Variants in LDLRAD4 observed in about 807,000 individuals in gnomAD.
The protein encoded by LDLRAD4 is low density lipoprotein receptor class A domain containing 4.
LDLRAD4 carries 5 observed loss-of-function variants against 17.0 expected under a neutral mutation model. The ratio of observed to expected loss-of-function variants is 0.29; its 90% confidence interval spans 0.15 to 0.62. The LOEUF is 0.62. Among genes scored for constraint, LDLRAD4 ranks in the 20% least tolerant of loss-of-function variants. LDLRAD4 has a pLI of 0.84. For missense variants in LDLRAD4, 340 were observed against 424.7 expected (o/e 0.80, Z 1.75); for synonymous variants, 168 against 171.8 (o/e 0.98, Z 0.17).
At chr18:13,269,552 G>A (rs978906924) in intron 1 of LDLRAD4, among the ~76,000 whole-genome samples, 23 of 152,146 alleles carry the variant, frequency 1.5e-4, no homozygotes, top group Admixed American at 1.4e-3. Context: ...AATGAACCGG[G>A]GTAGATGATC....
At chr18:13,270,907 T>A (rs1239483170) in intron 1 of LDLRAD4, among the ~76,000 whole-genome samples, 1 of 152,172 alleles carries the variant, frequency 6.6e-6, no homozygotes, top group Non-Finnish European at 1.5e-5. Context: ...CAACCCAGAG[T>A]GTGTTTGTGT....
chr18:13,450,663 C>T (rs1229656386), intron 3 of LDLRAD4, among the ~76,000 whole-genome samples: 2 of 152,148 alleles, frequency 1.3e-5, no homozygotes, highest in African/African-American at 4.8e-5. Flanking sequence ...TTTGTTCTGT[C>T]CAGTGCTAAG....
intron 4 of LDLRAD4, among the ~76,000 whole-genome samples, chr18:13,626,268 T>C (rs2041161306): frequency 3.3e-5 from 5 of 152,186 alleles, no homozygotes; most frequent in Admixed American, 3.3e-4. Context: ...CTTTTCATTA[T>C]CTTAGACCAT....
At chr18:13,265,750 C>T (rs1161474663) in intron 1 of LDLRAD4, among the ~76,000 whole-genome samples, 1 of 152,096 alleles carries the variant, frequency 6.6e-6, no homozygotes, top group Non-Finnish European at 1.5e-5. Flanking sequence ...TCCTGCTTGC[C>T]TGGTGCTGAG....
At chr18:13,222,583 G>A (rs894444031) in intron 1 of LDLRAD4, among the ~76,000 whole-genome samples, 13 of 152,178 alleles carry the variant, frequency 8.5e-5, no homozygotes, top group Admixed American at 8.5e-4. Flanking sequence ...CCGGCTGGGC[G>A]CCGCTCATGG....
Position 13,621,720 on chromosome 18 carries a change from A to T in LDLRAD4, c.336+449A>T, listed in dbSNP as rs1002987490. ...CATCGTCACTAAACGTGCCGGCAGCACATGGGTGCCATGAGCTGGAGGACG... is the reference window on the plus strand; with the variant it reads ...CATCGTCACTAAACGTGCCGGCAGCTCATGGGTGCCATGAGCTGGAGGACG... On this transcript the variant is annotated intron_variant, in intron 4 of 5. Coordinates refer to ENST00000359446, the Ensembl canonical transcript of LDLRAD4. The surrounding 1 kb of genome is among the most constrained non-coding windows in gnomAD (Gnocchi z 5.5). 2.0e-5 allele frequency among the ~76,000 whole-genome samples: 3 copies of T among 152,212 alleles called. No homozygotes were observed. Among genetic ancestry groups the T allele is most frequent in the African/African-American group, 7.2e-5 (3 of 41,464 alleles).
intron 3 of LDLRAD4, among the ~76,000 whole-genome samples, chr18:13,601,737 T>C (rs544571713): frequency 6.6e-6 from 1 of 152,050 alleles, no homozygotes; most frequent in Admixed American, 6.5e-5. Context: ...TCAGCCACTA[T>C]AGAATGCAGT....
intron 3 of LDLRAD4, among the ~76,000 whole-genome samples, chr18:13,616,816 G>A (rs770826198): frequency 3.9e-5 from 6 of 152,202 alleles, no homozygotes; most frequent in Admixed American, 6.5e-5. Flanking sequence ...GGGGCCACTC[G>A]ATTCGGTTTG....
At chr18:13,370,719 T>TTTTTTTGTTTGTTTG (rs757324689) in intron 1 of LDLRAD4, among the ~76,000 whole-genome samples, 11,670 of 144,816 alleles carry the variant, frequency 0.081, 1,544 homozygotes, top group African/African-American at 0.26. Context: ...TTTTGTTTTT[T>TTTTTTTGTTTGTTTG]TTTTTTTTTG....
chr18:13,420,367 AG>A (rs1288727684), intron 2 of LDLRAD4: 5 of 152,388 alleles, frequency 3.3e-5, no homozygotes, highest in African/African-American at 1.2e-4. Context: ...ATAAGCAACA[AG>A]GGTGAGATTA....
chr18:13,554,840 A>G (rs903282030), intron 3 of LDLRAD4, among the ~76,000 whole-genome samples: 2 of 152,130 alleles, frequency 1.3e-5, no homozygotes, highest in African/African-American at 4.8e-5. Context: ...CGGACTGTGC[A>G]TTGTGATGCC....
intron 5 of LDLRAD4, among the ~76,000 whole-genome samples, chr18:13,644,567 CAA>C (rs34551820): frequency 7.3e-6 from 1 of 136,600 alleles, no homozygotes. Flanking sequence ...GACCCTGTCT[CAA>C]AAAAAAAAAA....
At chr18:13,562,490 C>G (rs915613885) in intron 3 of LDLRAD4, among the ~76,000 whole-genome samples, 1 of 152,164 alleles carries the variant, frequency 6.6e-6, no homozygotes, top group African/African-American at 2.4e-5. Flanking sequence ...CCTGTGTATA[C>G]AATGTGATTA....
chr18:13,601,046 C>G (rs952618119), intron 3 of LDLRAD4, among the ~76,000 whole-genome samples: 1 of 152,174 alleles, frequency 6.6e-6, no homozygotes, highest in African/African-American at 2.4e-5. Context: ...CACCTGTTCT[C>G]CTAACCCTTT....
intron 1 of LDLRAD4, among the ~76,000 whole-genome samples, chr18:13,230,668 G>A (rs1229789437): frequency 6.6e-6 from 1 of 151,596 alleles, no homozygotes; most frequent in Admixed American, 6.6e-5. Flanking sequence ...GCAGGTGGGG[G>A]AAGAGGTGGG....
chr18:13,452,344 G>A (rs530534203), intron 3 of LDLRAD4, among the ~76,000 whole-genome samples: 16 of 152,248 alleles, frequency 1.1e-4, no homozygotes, highest in Admixed American at 8.5e-4. Flanking sequence ...AGGATGCAGC[G>A]GGTGCAGACT....
intron 3 of LDLRAD4, among the ~76,000 whole-genome samples, chr18:13,474,970 C>A (rs1479665241): frequency 6.6e-6 from 1 of 152,114 alleles, no homozygotes. Flanking sequence ...TAGACAAATG[C>A]CATGGGCTCC....
rs1197956945 is a variant in LDLRAD4, at chr18:13,367,886, G to A, written c.-382-19455G>A. Among the ~76,000 whole-genome samples the A allele has an allele frequency of 1.3e-5, 2 of 152,074 alleles. No individual in the cohort carries two copies. The highest frequency in any genetic ancestry group is 4.8e-5 in the African/African-American group (2 of 41,404). On this transcript the variant is annotated intron_variant, in intron 1 of 5. Transcript: ENST00000359446. The surrounding 1 kb of genome is among the most constrained non-coding windows in gnomAD (Gnocchi z 4.1). ...TATCGAGAGGGGACGACTGGGCATG[G>A]GGGCGTGTGCCTGTGGTCACAGCTA... is the stretch of plus-strand genomic sequence containing the variant.
intron 1 of LDLRAD4, among the ~76,000 whole-genome samples, chr18:13,344,804 T>G (rs1186271561): frequency 3.3e-5 from 5 of 152,242 alleles, no homozygotes; most frequent in South Asian, 2.1e-4. Flanking sequence ...CACATCCCTT[T>G]TAAGTTGGAT....
Sources: allele counts gnomAD v4.1 joint callset (sites outside exome capture counted in the v4.1 genomes callset), GRCh38; gene constraint gnomAD v4.1.1; non-coding constraint Gnocchi (gnomAD v3.1); transcripts MANE v1.5; gene names NCBI Gene and HGNC (gene_info 2026-07-23, HGNC 2026-07-21).